ACTL6A: variants seen among roughly 807,000 people sequenced by gnomAD.
ACTL6A encodes actin like 6A, also known as actin-like protein 6A.
In ACTL6A, 5 loss-of-function variants were observed where a neutral mutation model predicts 59.2. The ratio of observed to expected loss-of-function variants is 0.08; its 90% CI spans 0.04 to 0.18. The LOEUF is 0.18. Ranked by LOEUF, ACTL6A falls within the 10% of genes least tolerant of loss-of-function variation. The probability of loss-of-function intolerance (pLI) is 1.00; values close to 1 mark genes in which losing one functional copy is unlikely to be tolerated. For synonymous variants in ACTL6A, 154 were observed against 171.8 expected (o/e 0.90, Z 0.81); for missense variants, 285 against 526.9 (o/e 0.54, Z 4.49).
In ACTL6A at chr3:179,563,221, C is replaced by T. The variant is rs533362118; in HGVS notation, c.25+104C>T. The T allele has an allele frequency of 1.1e-4, 169 of 1,489,270 alleles. 1 individual carries two copies. Among genetic ancestry groups the T allele is most frequent in the African/African-American group, 1.0e-3 (74 of 72,128 alleles). 92.3% of individuals were successfully genotyped at this position (1,489,270 alleles called of 1,614,324 possible). ...CCCCGGCGTTCCCTTCCGGTCTCCC[C>T]CTCTCGGGACCCCGGCCTCCCCGCC... is the stretch of plus-strand genomic sequence containing the variant. On this transcript the variant is annotated intron_variant, in intron 1 of 13. Transcript: ENST00000429709.
At chr3:179,585,452 A>G (rs1718457902) in intron 12 of ACTL6A, among the ~76,000 whole-genome samples, 1 of 152,218 alleles carries the variant, frequency 6.6e-6, no homozygotes, top group Admixed American at 6.5e-5. Flanking sequence ...ATGAATACAG[A>G]TAAGCATGGC....
At position 179,574,364 on chromosome 3, in the gene ACTL6A, C is replaced by A; in HGVS notation, c.379-6C>A. The A allele has an allele frequency of 6.3e-7, 1 of 1,586,212 alleles. No homozygotes were observed. Among genetic ancestry groups the A allele is most frequent in the Non-Finnish European group, 8.7e-7 (1 of 1,155,772 alleles). On this transcript the variant is annotated splice_region_variant and splice_polypyrimidine_tract_variant and intron_variant, in intron 4 of 13. Coordinates refer to ENST00000429709, the MANE Select transcript of ACTL6A (RefSeq NM_004301.5). ...AACTTGCATTTCTTTTTCCCCTCTT[C>A]TCAAGTGGAATACTAGAGCAAAGAG...
At chr3:179,574,285 G>T in intron 4 of ACTL6A, 85 bp from the exon 5 acceptor site, 1 of 769,592 alleles carries the variant, frequency 1.3e-6, no homozygotes, top group South Asian at 1.5e-5. Context: ...TTATATCTTT[G>T]TTAATATAGT....
In ACTL6A at chr3:179,570,485, A is replaced by T. The variant is rs1387590363; in HGVS notation, c.277+244A>T. On this transcript the variant is annotated intron_variant, in intron 3 of 13. Coordinates refer to ENST00000429709, the MANE Select transcript of ACTL6A (RefSeq NM_004301.5). The surrounding 1 kb of genome is among the most constrained non-coding windows in gnomAD (Gnocchi z 4.3). Reference sequence around the variant, plus strand: ...TATACAAATAATGGTACACTGTGGGATAAGTGGTACAATATAGGTATGTGC... The same window carrying T: ...TATACAAATAATGGTACACTGTGGGTTAAGTGGTACAATATAGGTATGTGC... 4.0e-5 allele frequency: 15 copies of T among 377,900 alleles called. No homozygotes were observed. In the South Asian group the frequency reaches 5.0e-4, roughly 13 times the overall value. The allele number at this position is 377,900 out of a possible 1,614,324, so 23.4% of individuals were successfully genotyped here.
At chr3:179,586,466 T>TAAAAA (rs770346368) in intron 12 of ACTL6A, 80 bp from the exon 13 acceptor site, 6 of 678,882 alleles carry the variant, frequency 8.8e-6, no homozygotes, top group African/African-American at 2.3e-5. Flanking sequence ...TGTCTCTATT[T>TAAAAA]GAAAAAAAAA....
chr3:179,566,384 G>T (rs1448872740), intron 1 of ACTL6A, among the ~76,000 whole-genome samples: 1 of 152,170 alleles, frequency 6.6e-6, no homozygotes, highest in Non-Finnish European at 1.5e-5. Context: ...TTCCATGGTA[G>T]AACTATATTT....
intron 1 of ACTL6A, 32 bp from the exon 2 acceptor site, chr3:179,569,792 C>T (rs555653688): frequency 6.3e-7 from 1 of 1,588,422 alleles, no homozygotes; most frequent in Non-Finnish European, 8.6e-7. Context: ...CTTTTGCAAG[C>T]TGTTAATGCT....
chr3:179,583,793 G>A, intron 12 of ACTL6A: 1 of 168,904 alleles, frequency 5.9e-6, no homozygotes. Context: ...GTGCTGTTGG[G>A]AACACCAAGA....
chr3:179,564,373 G>A (rs1009109311), intron 1 of ACTL6A, among the ~76,000 whole-genome samples: 1 of 152,120 alleles, frequency 6.6e-6, no homozygotes, highest in Non-Finnish European at 1.5e-5. Flanking sequence ...AAACTTGGAA[G>A]GAGAAAAACA....
intron 1 of ACTL6A, among the ~76,000 whole-genome samples, chr3:179,564,468 C>G (rs1320652241): frequency 6.6e-6 from 1 of 152,056 alleles, no homozygotes; most frequent in African/African-American, 2.4e-5. Context: ...AAATTGCATC[C>G]TAGGTTTTAA....
chr3:179,572,974 A>AATTC (rs1406423242), intron 3 of ACTL6A, among the ~76,000 whole-genome samples: 18 of 140,178 alleles, frequency 1.3e-4, no homozygotes, highest in Non-Finnish European at 2.3e-4. Context: ...TAGACCATAC[A>AATTC]ATTCTTTCTT....
At position 179,570,773 on chromosome 3, in the gene ACTL6A, A is replaced by G. The variant is rs1717981056; in HGVS notation, c.277+532A>G. On this transcript the variant is annotated intron_variant, in intron 3 of 13. Transcript: ENST00000429709. This position sits in a 1 kb window ranked among gnomAD's most constrained non-coding sequence, Gnocchi z 4.3. The stretch of plus-strand genomic sequence containing the variant: ...TCAGTAGCAGGAAAGGTAGGCAGAG[A>G]GCAGTAGCAGGAAAGGTAGGCAGGG... Among the ~76,000 whole-genome samples, 1 of 152,172 alleles carries G rather than the reference A, an allele frequency of 6.6e-6. No homozygotes were observed. The highest frequency in any genetic ancestry group is 1.5e-5 in the Non-Finnish European group (1 of 68,034).
chr3:179,575,182 G>A, intron 5 of ACTL6A: 1 of 352,996 alleles, frequency 2.8e-6, no homozygotes, highest in East Asian at 7.7e-5. Context: ...CTTTAAGCCA[G>A]AATCGTCTTC....
At position 179,565,208 on chromosome 3, in the gene ACTL6A, G is replaced by A. The variant is rs186426385; in HGVS notation, c.25+2091G>A. 2.5e-4 allele frequency among the ~76,000 whole-genome samples: 38 copies of A among 151,730 alleles called. 2 individuals are homozygous for A. The Middle Eastern group carries it at 0.017, about 68-fold the overall frequency. Reference sequence around the variant, plus strand: ...TCCCAACACCTTGGGAGGCCGAGGCGGGCGGATCACTTGAGGCCAGGAGTT... The same window carrying A: ...TCCCAACACCTTGGGAGGCCGAGGCAGGCGGATCACTTGAGGCCAGGAGTT... On this transcript the variant is annotated intron_variant, in intron 1 of 13. Transcript: ENST00000429709.
intron 1 of ACTL6A, among the ~76,000 whole-genome samples, chr3:179,563,670 T>A (rs951176107): frequency 6.6e-6 from 1 of 152,242 alleles, no homozygotes; most frequent in Non-Finnish European, 1.5e-5. Flanking sequence ...CTGCGCCCCA[T>A]GCGCGAGCTG....
chr3:179,572,416 GA>G (rs1188790956), intron 3 of ACTL6A, among the ~76,000 whole-genome samples: 1 of 152,182 alleles, frequency 6.6e-6, no homozygotes, highest in Non-Finnish European at 1.5e-5. Flanking sequence ...GGCTGTGACA[GA>G]AAAGTTTGTA....
intron 8 of ACTL6A, among the ~76,000 whole-genome samples, chr3:179,579,455 TACACACACACAC>T (rs10650822): frequency 0.01 from 1,454 of 145,144 alleles, 25 homozygotes; most frequent in African/African-American, 0.035. Flanking sequence ...TTATATCATA[TACACACACACAC>T]ACACACACAC....
At chr3:179,586,524 A>G in intron 12 of ACTL6A, 22 bp from the exon 13 acceptor site, 7 of 1,509,220 alleles carry the variant, frequency 4.6e-6, no homozygotes, top group Non-Finnish European at 6.2e-6. Context: ...TGATTGTACT[A>G]ATGCATATTC....
rs550095526 is a variant in ACTL6A at position 179,575,479 on chromosome 3, C to T, written c.477-738C>T. ...GTTTTGGTGCACCATTGTGTGTCTACTGTGTTAAAGGAATTTTAGTGCCAG... is the reference window on the plus strand; with the variant it reads ...GTTTTGGTGCACCATTGTGTGTCTATTGTGTTAAAGGAATTTTAGTGCCAG... On this transcript the variant is annotated intron_variant, in intron 5 of 13. Coordinates refer to ENST00000429709, the MANE Select transcript of ACTL6A (RefSeq NM_004301.5). 8.6e-4 allele frequency: 393 copies of T among 456,072 alleles called. 6 individuals carry two copies. The highest frequency in any genetic ancestry group is 7.2e-3 in the African/African-American group (361 of 50,150). 28.3% of individuals were successfully genotyped at this position (456,072 alleles called of 1,614,324 possible).
Sources: gnomAD v4.1 joint callset for allele counts (sites outside exome capture counted in the v4.1 genomes callset) on GRCh38, gnomAD v4.1.1 for gene constraint, Gnocchi (gnomAD v3.1) non-coding constraint, MANE v1.5 for transcripts, NCBI Gene and HGNC (gene_info 2026-07-23, HGNC 2026-07-21) for gene names.